Variants in OPRD1 observed in about 807,000 individuals in gnomAD.
OPRD1 encodes opioid receptor delta 1, also known as delta-type opioid receptor.
OPRD1 carries 19 observed loss-of-function variants against 17.5 expected under a neutral mutation model. That is an observed-to-expected ratio of 1.09 (90% CI 0.76 to 1.60). OPRD1 has a LOEUF of 1.60. OPRD1 is among the 40% of genes most tolerant of loss of function. The pLI is 0.00. For synonymous variants in OPRD1, 256 were observed against 240.9 expected, an observed-to-expected ratio of 1.06 and a Z score of -0.58; for missense variants, 483 against 547.2, an observed-to-expected ratio of 0.88 and a Z score of 1.17.
At chr1:28,861,134 G>A (rs1280225755) in intron 2 of OPRD1, among the ~76,000 whole-genome samples, 1 of 152,142 alleles carries the variant, frequency 6.6e-6, no homozygotes, top group African/African-American at 2.4e-5. Context: ...TTACTTCTAG[G>A]GGTCCTGCCA....
chr1:28,852,424 G>C (rs560916274), intron 1 of OPRD1, among the ~76,000 whole-genome samples: 1 of 152,298 alleles, frequency 6.6e-6, no homozygotes, highest in South Asian at 2.1e-4. Context: ...TGTAATTATA[G>C]TATGTTCTTT....
intron 1 of OPRD1, among the ~76,000 whole-genome samples, chr1:28,841,223 A>T (rs947540669): frequency 6.6e-6 from 1 of 152,130 alleles, no homozygotes; most frequent in East Asian, 1.9e-4. Context: ...TCTCTCCCTG[A>T]CCCCACCTGG....
At chr1:28,814,173 C>T (rs530574522) in intron 1 of OPRD1, among the ~76,000 whole-genome samples, 46 of 152,148 alleles carry the variant, frequency 3.0e-4, no homozygotes, top group Non-Finnish European at 6.5e-4. Flanking sequence ...GTGATTCTCC[C>T]CACTTCGCAG....
At chr1:28,862,224 C>A (rs2089130241) in intron 2 of OPRD1, among the ~76,000 whole-genome samples, 2 of 152,106 alleles carry the variant, frequency 1.3e-5, no homozygotes, top group African/African-American at 4.8e-5. Flanking sequence ...TCCGCCTTAG[C>A]CTATTTAATC....
intron 1 of OPRD1, among the ~76,000 whole-genome samples, chr1:28,820,975 G>A (rs1458381750): frequency 6.6e-6 from 1 of 151,960 alleles, no homozygotes; most frequent in East Asian, 1.9e-4. Context: ...AGAAAATGTG[G>A]AGAAATTTAA....
At position 28,862,266 on chromosome 1, in the gene OPRD1, C is replaced by T. The variant is rs1462837777; in HGVS notation, c.578-476C>T. Among the ~76,000 whole-genome samples the T allele has an allele frequency of 2.6e-5, 4 of 152,236 alleles. No individual in the cohort carries two copies. In the East Asian group the frequency reaches 7.7e-4, roughly 29 times the overall value. ...ACAATCCTGGAGATGTGGGTACTGT[C>T]ATTAGCCCCACTCCACTGAAGCTCC... On this transcript the variant is annotated intron_variant, in intron 2 of 2. Transcript: ENST00000234961.
chr1:28,832,822 T>C (rs144659095), intron 1 of OPRD1, among the ~76,000 whole-genome samples: 5 of 152,178 alleles, frequency 3.3e-5, no homozygotes, highest in African/African-American at 7.2e-5. Flanking sequence ...TGAGAGAACA[T>C]GTGTGATGCT....
At chr1:28,823,543 C>T (rs773046894) in intron 1 of OPRD1, among the ~76,000 whole-genome samples, 5 of 151,720 alleles carry the variant, frequency 3.3e-5, no homozygotes, top group Admixed American at 6.6e-5. Flanking sequence ...ATTACAGGTA[C>T]GCACACCATG....
At chr1:28,824,607 T>A (rs1287952247) in intron 1 of OPRD1, among the ~76,000 whole-genome samples, 1 of 151,984 alleles carries the variant, frequency 6.6e-6, no homozygotes, top group Non-Finnish European at 1.5e-5. Flanking sequence ...CGTGAGCCAC[T>A]GTGCCTGGCT....
At chr1:28,828,716 G>A (rs1403634099) in intron 1 of OPRD1, among the ~76,000 whole-genome samples, 5 of 146,658 alleles carry the variant, frequency 3.4e-5, no homozygotes, top group East Asian at 2.0e-4. Context: ...AAAGCCAGGC[G>A]CAGTGGTTCA....
chr1:28,853,898 G>A (rs1192751101), intron 1 of OPRD1, among the ~76,000 whole-genome samples: 4 of 151,350 alleles, frequency 2.6e-5, no homozygotes, highest in African/African-American at 7.3e-5. Flanking sequence ...TCACCATCAC[G>A]CCTGGCTAAT....
chr1:28,863,476 G>A lies in OPRD1; in HGVS notation c.*193G>A. On this transcript the variant is annotated 3_prime_UTR_variant, in exon 3 of 3. Coordinates refer to ENST00000234961, the MANE Select transcript of OPRD1 (RefSeq NM_000911.4). ...ATGGGGTGGGCCTCTGGTTTGGGGCGAGGCAGAGGACAGATCAATGGCGCA... is the reference window on the plus strand; with the variant it reads ...ATGGGGTGGGCCTCTGGTTTGGGGCAAGGCAGAGGACAGATCAATGGCGCA... The A allele has an allele frequency of 6.6e-6, 4 of 603,888 alleles. No individual in the cohort carries two copies. The highest frequency in any genetic ancestry group is 1.1e-5 in the Non-Finnish European group (4 of 376,054). The allele number at this position is 603,888 out of a possible 1,614,324, so 37.4% of individuals were successfully genotyped here.
chr1:28,812,740 C>T, intron 1 of OPRD1, 130 bp downstream of exon 1: 1 of 807,830 alleles, frequency 1.2e-6, no homozygotes, highest in Non-Finnish European at 1.8e-6. Context: ...CACCTGGGGC[C>T]CAGCGAGAGG....
intron 1 of OPRD1, among the ~76,000 whole-genome samples, chr1:28,819,751 C>T (rs1415220219): frequency 6.6e-6 from 1 of 152,102 alleles, no homozygotes; most frequent in Non-Finnish European, 1.5e-5. Context: ...TGCTGCTGTC[C>T]ATGACATGGC....
In OPRD1 at chr1:28,863,031, C is replaced by T. The variant is rs866759771; in HGVS notation, c.867C>T (p.Ile289=). 1 of 1,605,264 alleles carries T rather than the reference C, an allele frequency of 6.2e-7. No homozygotes were observed. Among genetic ancestry groups the T allele is most frequent in the Non-Finnish European group, 8.5e-7 (1 of 1,175,930 alleles). ...IFVIVWTLVD[I]DRRDPLVVAA... is the part of the protein sequence containing the mutation. ...TCATCGTCTGGACGCTGGTGGACAT[C>T]GACCGGCGCGACCCGCTGGTGGTGG... is the stretch of plus-strand genomic sequence containing the variant. The change falls in exon 3 of 3, where the codon ATC becomes ATT. Residue 289 remains isoleucine (I), a synonymous_variant. Coordinates refer to ENST00000234961, the MANE Select transcript of OPRD1 (RefSeq NM_000911.4).
chr1:28,817,072 C>T (rs1172016633), intron 1 of OPRD1, among the ~76,000 whole-genome samples: 1 of 152,202 alleles, frequency 6.6e-6, no homozygotes, highest in African/African-American at 2.4e-5. Flanking sequence ...GCCCTGCCTC[C>T]TGCCAGCCCC....
At chr1:28,856,095 G>A (rs1228016108) in intron 1 of OPRD1, among the ~76,000 whole-genome samples, 1 of 152,206 alleles carries the variant, frequency 6.6e-6, no homozygotes, top group African/African-American at 2.4e-5. Flanking sequence ...GATTCTAAAG[G>A]AATGGAGGCA....
At chr1:28,841,975 C>T (rs537821004) in intron 1 of OPRD1, among the ~76,000 whole-genome samples, 2 of 151,668 alleles carry the variant, frequency 1.3e-5, no homozygotes, top group South Asian at 2.1e-4. Flanking sequence ...TCACCCACCT[C>T]AGCCTCCCAA....
intron 1 of OPRD1, among the ~76,000 whole-genome samples, chr1:28,824,987 G>A (rs2088752095): frequency 1.3e-5 from 2 of 151,560 alleles, no homozygotes; most frequent in Non-Finnish European, 2.9e-5. Context: ...GCCCACCACC[G>A]CGCCCGGCTA....
Sources: allele counts gnomAD v4.1 joint callset (sites outside exome capture counted in the v4.1 genomes callset), GRCh38; gene constraint gnomAD v4.1.1; transcripts MANE v1.5; gene names NCBI Gene and HGNC (gene_info 2026-07-23, HGNC 2026-07-21).